Variants in GATB observed in about 807,000 individuals in gnomAD.
GATB encodes the protein glutamyl-tRNA amidotransferase subunit B.
GATB carries 39 observed loss-of-function variants against 62.3 expected under a neutral mutation model. That is an observed-to-expected ratio of 0.63 (90% confidence interval 0.48 to 0.82). GATB has a LOEUF of 0.82. GATB is among the 40% of genes least tolerant of loss of function. The pLI is 0.00. For synonymous variants in GATB, 276 were observed against 258.9 expected (o/e 1.07, Z -0.63); for missense variants, 670 against 684.0 (o/e 0.98, Z 0.23).
intron 5 of GATB, among the ~76,000 whole-genome samples, chr4:151,708,909 G>A (rs1390548353): frequency 6.6e-6 from 1 of 152,076 alleles, no homozygotes; most frequent in Admixed American, 6.5e-5. Flanking sequence ...GAGAGAGAGA[G>A]AAAAATCCCA....
rs1739892148 is a variant in GATB at position 151,758,858 on chromosome 4, GT to G, written c.240del (p.Lys80AsnfsTer37). 6.2e-7 allele frequency: 1 copy of G among 1,611,264 alleles called. No homozygotes were observed. The highest frequency in any genetic ancestry group is 1.1e-5 in the South Asian group (1 of 90,488). On this transcript the variant is annotated frameshift_variant, in exon 2 of 13. Coordinates refer to ENST00000263985, the MANE Select transcript of GATB (RefSeq NM_004564.3). LOFTEE classifies it high-confidence loss of function. Reference sequence around the variant, plus strand: ...AAGCGAACTTGAGATCCAGAGAAGAGTTTAGAGTTGGAGGAAATCTGGGCAT... The same window carrying G: ...AAGCGAACTTGAGATCCAGAGAAGAGTTAGAGTTGGAGGAAATCTGGGCAT... ...EIHAQISSNS[K>X]LFSGSQVRFS...
Position 151,671,375 on chromosome 4 carries a change from C to T in GATB, c.1546-73G>A, listed in dbSNP as rs1474075393. ...CATGCCCCCAAATCCCAAACTAAGGCTTAAGTTTACTGAAAATTAAATTCC... is the reference window on the plus strand; with the variant it reads ...CATGCCCCCAAATCCCAAACTAAGGTTTAAGTTTACTGAAAATTAAATTCC... On this transcript the variant is annotated intron_variant, in intron 12 of 12. Coordinates refer to ENST00000263985, the MANE Select transcript of GATB (RefSeq NM_004564.3). 4.9e-6 allele frequency: 7 copies of T among 1,421,416 alleles called. No homozygotes were observed. The Admixed American group carries it at 8.9e-5, about 18-fold the overall frequency. The allele number at this position is 1,421,416 out of a possible 1,614,324, so 88.1% of individuals were successfully genotyped here. A position where few individuals can be genotyped will look rare whatever the true frequency, so the allele number is the denominator to read the frequency against.
At chr4:151,746,179 G>A (rs943350931) in intron 2 of GATB, among the ~76,000 whole-genome samples, 2 of 152,182 alleles carry the variant, frequency 1.3e-5, no homozygotes, top group African/African-American at 4.8e-5. Flanking sequence ...AAGCATTTCC[G>A]ATGACAAAAA....
At chr4:151,700,461 G>A (rs897214026) in intron 9 of GATB, among the ~76,000 whole-genome samples, 2 of 152,158 alleles carry the variant, frequency 1.3e-5, no homozygotes, top group African/African-American at 4.8e-5. Context: ...GTAAATGCTA[G>A]GATGTTGTTA....
At chr4:151,737,444 G>A (rs973321170) in intron 2 of GATB, among the ~76,000 whole-genome samples, 14 of 152,182 alleles carry the variant, frequency 9.2e-5, no homozygotes, top group Non-Finnish European at 1.3e-4. Flanking sequence ...AAGGCACTCC[G>A]TTTTATAAAA....
At chr4:151,721,388 G>C (rs1415565484) in intron 2 of GATB, 2 of 152,256 alleles carry the variant, frequency 1.3e-5, no homozygotes, top group East Asian at 1.9e-4. Flanking sequence ...GCCTAATAAT[G>C]TCAGCTCTGC....
chr4:151,731,221 TC>T (rs1262510264), intron 2 of GATB, among the ~76,000 whole-genome samples: 1 of 151,958 alleles, frequency 6.6e-6, no homozygotes, highest in East Asian at 1.9e-4. Context: ...CCTGCCTGAT[TC>T]TCCTGCCTCA....
At chr4:151,672,937 C>T in intron 11 of GATB, 41 bp from the exon 12 acceptor site, 1 of 1,608,422 alleles carries the variant, frequency 6.2e-7, no homozygotes, top group African/African-American at 1.3e-5. Context: ...AATGAGAAGT[C>T]AGCTCTTCTG....
At chr4:151,700,993 T>C (rs1192048440) in intron 9 of GATB, among the ~76,000 whole-genome samples, 1 of 152,210 alleles carries the variant, frequency 6.6e-6, no homozygotes, top group East Asian at 1.9e-4. Flanking sequence ...TTGATTTTCT[T>C]TTGTCCTTCA....
At chr4:151,732,709 A>T (rs1272740535) in intron 2 of GATB, among the ~76,000 whole-genome samples, 2 of 147,364 alleles carry the variant, frequency 1.4e-5, no homozygotes, top group Admixed American at 6.7e-5. Flanking sequence ...CCCAAGAATG[A>T]TCAATAAAAA....
intron 6 of GATB, among the ~76,000 whole-genome samples, chr4:151,705,919 C>T (rs1208332129): frequency 6.6e-6 from 1 of 152,132 alleles, no homozygotes; most frequent in African/African-American, 2.4e-5. Context: ...AATCCTCCTG[C>T]CTTGGCCTCC....
chr4:151,676,252 T>A (rs1738002870), intron 11 of GATB: 1 of 152,256 alleles, frequency 6.6e-6, no homozygotes, highest in Non-Finnish European at 1.5e-5. Context: ...TAACATTTTG[T>A]ACATTAAAAG....
intron 2 of GATB, among the ~76,000 whole-genome samples, chr4:151,742,331 G>A (rs113751034): frequency 1.3e-4 from 19 of 151,932 alleles, no homozygotes; most frequent in South Asian, 8.3e-4. Flanking sequence ...CTCGTGATCC[G>A]CCTGCCTTGG....
chr4:151,722,279 G>C, intron 2 of GATB: 1 of 697,340 alleles, frequency 1.4e-6, no homozygotes, highest in South Asian at 1.5e-5. Flanking sequence ...AGATAAATAG[G>C]ACTCTGTCTC....
rs1187696578 is a variant in GATB, at chr4:151,671,264, A to G, written c.1584T>C (p.Asn528=). 4.3e-6 allele frequency: 7 copies of G among 1,613,826 alleles called. No homozygotes were observed. The Admixed American group carries it at 6.7e-5, about 15-fold the overall frequency. ...CTTTCCGGACCAACCCAATCAGTTT[A>G]TTTATAGCTCTGGGGTTTCTGTTCT... ...DVKNRNPRAI[N]KLIGLVRKAT... The change falls in exon 13 of 13, where the codon AAT becomes AAC. Residue 528 remains asparagine (N), a synonymous_variant. Coordinates refer to ENST00000263985, the MANE Select transcript of GATB (RefSeq NM_004564.3).
At chr4:151,735,861 G>A (rs954843364) in intron 2 of GATB, among the ~76,000 whole-genome samples, 5 of 151,200 alleles carry the variant, frequency 3.3e-5, no homozygotes, top group East Asian at 3.9e-4. Context: ...TGGACTTTGG[G>A]GACTCGGAGG....
chr4:151,699,777 TACACACACAC>T (rs35358434), intron 9 of GATB, among the ~76,000 whole-genome samples: 2 of 151,098 alleles, frequency 1.3e-5, no homozygotes, highest in Non-Finnish European at 3.0e-5. Context: ...AGACAGCTAA[TACACACACAC>T]ACACACACAA....
chr4:151,717,377 A>C, intron 3 of GATB: 1 of 328,070 alleles, frequency 3.0e-6, no homozygotes, highest in East Asian at 7.4e-5. Context: ...AATAACAATA[A>C]TGTCATTGTC....
rs1196998637 is a variant in GATB at position 151,719,471 on chromosome 4, T to G, written c.395A>C (p.Lys132Thr). Residue 132 changes from lysine to threonine, a missense_variant, in exon 3 of 13, where the codon AAG (lysine) becomes ACG (threonine). By Grantham distance (78) the Lys-to-Thr change is moderately conservative. Coordinates refer to ENST00000263985, the MANE Select transcript of GATB (RefSeq NM_004564.3). Reference sequence around the variant, plus strand: ...GTGCTTCCTGTCAAACAAGGACTTCTTGTTTATGTGGCAGTTCAGAGCCAG... The same window carrying G: ...GTGCTTCCTGTCAAACAAGGACTTCGTGTTTATGTGGCAGTTCAGAGCCAG... ...TGLALNCHINKKSLFDRKHYF... is the reference protein window; with the variant it reads ...TGLALNCHINTKSLFDRKHYF... 4.3e-6 allele frequency: 7 copies of G among 1,612,184 alleles called. No homozygotes were observed. In the South Asian group the frequency reaches 6.6e-5, roughly 15 times the overall value.
Sources: allele counts gnomAD v4.1 joint callset (sites outside exome capture counted in the v4.1 genomes callset), GRCh38; gene constraint gnomAD v4.1.1; transcripts MANE v1.5; gene names NCBI Gene and HGNC (gene_info 2026-07-23, HGNC 2026-07-21).